The following TPP2 variants were observed in gnomAD, a reference collection of about 807,000 sequenced individuals.
TPP2 encodes the protein tripeptidyl peptidase 2.
TPP2 carries 34 observed loss-of-function variants against 155.9 expected under a neutral mutation model. The observed-to-expected ratio is 0.22, with a 90% CI of 0.17 to 0.29. TPP2 has a LOEUF of 0.29. Ranked by LOEUF, TPP2 falls within the 10% of genes least tolerant of loss-of-function variation. The pLI, the probability that TPP2 is intolerant of heterozygous loss-of-function variation, is 1.00. For synonymous variants in TPP2, 510 were observed against 529.4 expected, an observed-to-expected ratio of 0.96 and a Z score of 0.50; for missense variants, 1,028 against 1,522.3, an observed-to-expected ratio of 0.68 and a Z score of 5.40.
chr13:102,633,223 A>C (rs1882137998), intron 10 of TPP2, among the ~76,000 whole-genome samples: 1 of 152,128 alleles, frequency 6.6e-6, no homozygotes, highest in African/African-American at 2.4e-5. Flanking sequence ...TGAGGGTTTT[A>C]ATTCATCAGA....
At chr13:102,638,173 A>T in intron 14 of TPP2, 66 bp from the exon 15 acceptor site, 3 of 1,394,538 alleles carry the variant, frequency 2.2e-6, no homozygotes, top group Non-Finnish European at 3.0e-6. Flanking sequence ...TCAGTAGTTT[A>T]GACCTTCCCC....
chr13:102,616,864 A>G (rs1387889057), intron 4 of TPP2, among the ~76,000 whole-genome samples: 2 of 151,360 alleles, frequency 1.3e-5, no homozygotes, highest in Non-Finnish European at 1.5e-5. Context: ...GATTTTGCCT[A>G]TTTTGATTTG....
At chr13:102,617,074 A>G (rs1241660913) in intron 4 of TPP2, among the ~76,000 whole-genome samples, 1 of 146,250 alleles carries the variant, frequency 6.8e-6, no homozygotes, top group African/African-American at 2.5e-5. Context: ...ACACCCGACT[A>G]GTTTTTTTTT....
chr13:102,674,345 C>G lies in TPP2; in HGVS notation c.3434C>G (p.Ala1145Gly), dbSNP rs758657777. Reference protein sequence around the residue: ...DALCRKGCALADHLLHTQAQD... With the variant: ...DALCRKGCALGDHLLHTQAQD... ...CTTTGTAGGAAAGGTTGTGCCCTGG[C>G]AGACCATCTTCTTCACACCCAGGCT... Residue 1145 changes from alanine to glycine, a missense_variant, in exon 28 of 30, where the codon GCA becomes GGA. Transcript: ENST00000376052. The G allele has an allele frequency of 3.1e-6, 5 of 1,613,926 alleles. No homozygotes were observed. In the Admixed American group the frequency reaches 8.3e-5, roughly 27 times the overall value.
intron 2 of TPP2, among the ~76,000 whole-genome samples, chr13:102,611,549 A>C (rs1451165808): frequency 6.6e-6 from 1 of 152,120 alleles, no homozygotes; most frequent in Non-Finnish European, 1.5e-5. Context: ...GGTGGTGCAC[A>C]CCTGAATCCC....
chr13:102,604,892 A>T lies in TPP2; in HGVS notation c.265A>T (p.Ile89Phe). Residue 89 changes from isoleucine to phenylalanine, a missense_variant, in exon 2 of 30, where the codon ATT becomes TTT. Ile to Phe is a conservative substitution (Grantham distance 21). This residue lies in a region of TPP2 where 300 missense variants were observed against 398.3 expected (regional missense o/e 0.75). Transcript: ENST00000376052. The stretch of plus-strand genomic sequence containing the variant: ...AGAAGTAGAGCCAAAGGATGGTGAG[A>T]TTGTTGGCCTTTCAGGAAGAGTGCT... The part of the protein sequence containing the change: ...ATEVEPKDGE[I>F]VGLSGRVLKI... The T allele has an allele frequency of 6.2e-7, 1 of 1,613,968 alleles. No homozygotes were observed. Among genetic ancestry groups the T allele is most frequent in the Non-Finnish European group, 8.5e-7 (1 of 1,179,992 alleles).
rs760021998 is a variant in TPP2, at chr13:102,674,430, G to A, written c.3519G>A (p.Leu1173=). The A allele has an allele frequency of 1.2e-6, 2 of 1,613,840 alleles. No homozygotes were observed. Among genetic ancestry groups the A allele is most frequent in the Admixed American group, 1.7e-5 (1 of 60,020 alleles). ...AGGAGGAGGAAGGAGAAAGTCCTTT[G>A]GATTCTCTGGCAGAAACATTTTGGG... ...EGKEEEGESP[L]DSLAETFWET... Residue 1173 remains leucine (L), a synonymous_variant, in exon 28 of 30, where the codon TTG becomes TTA. Transcript: ENST00000376052.
At chr13:102,666,325 G>C (rs1884593085) in intron 27 of TPP2, among the ~76,000 whole-genome samples, 1 of 152,152 alleles carries the variant, frequency 6.6e-6, no homozygotes, top group African/African-American at 2.4e-5. Flanking sequence ...TTCTTGAGAA[G>C]GTTAACATAA....
chr13:102,645,032 C>T (rs1883010148), intron 19 of TPP2, 23 bp downstream of exon 19: 2 of 1,602,316 alleles, frequency 1.2e-6, no homozygotes, highest in Non-Finnish European at 1.7e-6. Context: ...GTTTTAGGAA[C>T]TACAGATATT....
chr13:102,644,111 A>G (rs981578418), intron 17 of TPP2, among the ~76,000 whole-genome samples: 1 of 152,172 alleles, frequency 6.6e-6, no homozygotes, highest in African/African-American at 2.4e-5. Flanking sequence ...AGAAAGATGT[A>G]AATGACCATA....
At chr13:102,666,331 CAT>C (rs748667288) in intron 27 of TPP2, among the ~76,000 whole-genome samples, 23 of 152,216 alleles carry the variant, frequency 1.5e-4, no homozygotes, top group Non-Finnish European at 2.6e-4. Context: ...AGAAGGTTAA[CAT>C]AACTCAGTAT....
intron 2 of TPP2, among the ~76,000 whole-genome samples, chr13:102,605,275 G>A (rs764611597): frequency 2.6e-5 from 4 of 152,220 alleles, no homozygotes; most frequent in South Asian, 4.1e-4. Context: ...TCTCCGCAGT[G>A]CTGCAGTACC....
At chr13:102,597,965 T>A (rs1435393118) in intron 1 of TPP2, among the ~76,000 whole-genome samples, 2 of 151,356 alleles carry the variant, frequency 1.3e-5, no homozygotes, top group Non-Finnish European at 2.9e-5. Context: ...TCAGACCTTA[T>A]GAAAATATGC....
At chr13:102,599,133 TC>T (rs1879231683) in intron 1 of TPP2, among the ~76,000 whole-genome samples, 1 of 152,160 alleles carries the variant, frequency 6.6e-6, no homozygotes, top group African/African-American at 2.4e-5. Context: ...TATCTGTTGT[TC>T]CCGTCTTTGT....
intron 25 of TPP2, among the ~76,000 whole-genome samples, chr13:102,663,117 G>T (rs55767619): frequency 0.14 from 13,056 of 92,074 alleles, 808 homozygotes; most frequent in African/African-American, 0.33. Flanking sequence ...TTTTCAGTTT[G>T]ATTTATTTAT....
Position 102,635,686 on chromosome 13 carries a change from G to C in TPP2, c.1493G>C (p.Gly498Ala). Residue 498 changes from glycine to alanine, a missense_variant, in exon 12 of 30, where the codon GGA becomes GCA. Gly to Ala is a moderately conservative substitution (Grantham distance 60, BLOSUM62 0). Transcript: ENST00000376052. ...GACAATATAGAAGTATTTGCTCAAG[G>C]ACATGGTATTATTCAGGTATTGTTG... ...KADNIEVFAQ[G>A]HGIIQVDKAY... The C allele has an allele frequency of 6.2e-7, 1 of 1,612,576 alleles. No homozygotes were observed. Among genetic ancestry groups the C allele is most frequent in the Non-Finnish European group, 8.5e-7 (1 of 1,179,394 alleles).
At chr13:102,633,738 C>G (rs558408375) in intron 10 of TPP2, among the ~76,000 whole-genome samples, 2 of 152,174 alleles carry the variant, frequency 1.3e-5, no homozygotes, top group African/African-American at 4.8e-5. Context: ...TGTACACTTA[C>G]AAGGAAAAAA....
chr13:102,672,041 A>G (rs1017776536), intron 27 of TPP2, among the ~76,000 whole-genome samples: 2 of 151,764 alleles, frequency 1.3e-5, no homozygotes, highest in African/African-American at 2.4e-5. Context: ...CTTCACCTTC[A>G]TTTTCGAGGG....
At chr13:102,656,665 G>T (rs141159799) in intron 24 of TPP2, among the ~76,000 whole-genome samples, 3 of 152,100 alleles carry the variant, frequency 2.0e-5, no homozygotes, top group Non-Finnish European at 4.4e-5. Context: ...AGGCATAAGC[G>T]TCCCCTTAAA....
Sources: gnomAD v4.1 joint callset for allele counts (sites outside exome capture counted in the v4.1 genomes callset) on GRCh38, gnomAD v4.1.1 for gene constraint, gnomAD v4.1.1 regional missense constraint, MANE v1.5 for transcripts, NCBI Gene and HGNC (gene_info 2026-07-23, HGNC 2026-07-21) for gene names.